RGL1: variants seen among roughly 807,000 people sequenced by gnomAD.
The protein encoded by RGL1 is ral guanine nucleotide dissociation stimulator-like 1.
In RGL1, 24 loss-of-function variants were observed where a neutral mutation model predicts 95.2. That is an observed-to-expected ratio of 0.25 (90% confidence interval 0.18 to 0.35). The LOEUF (loss-of-function observed/expected upper bound fraction) is 0.35, where lower values mean the gene tolerates loss of function less well. Among genes scored for constraint, RGL1 ranks in the 10% least tolerant of loss-of-function variants. The probability of loss-of-function intolerance (pLI) is 1.00; values close to 1 mark genes in which losing one functional copy is unlikely to be tolerated. For missense variants in RGL1, 715 were observed against 936.3 expected, an observed-to-expected ratio of 0.76 and a Z score of 3.08; for synonymous variants, 329 against 344.9, an observed-to-expected ratio of 0.95 and a Z score of 0.51.
chr1:183,679,813 C>T (rs1481625910), intron 1 of RGL1, among the ~76,000 whole-genome samples: 1 of 152,154 alleles, frequency 6.6e-6, no homozygotes, highest in Non-Finnish European at 1.5e-5. Flanking sequence ...AATGGTTGAA[C>T]TAATTTACAC....
chr1:183,805,595 T>G (rs1661241264), intron 1 of RGL1, among the ~76,000 whole-genome samples: 1 of 152,200 alleles, frequency 6.6e-6, no homozygotes, highest in Non-Finnish European at 1.5e-5. Context: ...GAACTGTTAG[T>G]GTGGGTGAAC....
chr1:183,666,912 A>C (rs556382783), intron 1 of RGL1, among the ~76,000 whole-genome samples: 1 of 152,340 alleles, frequency 6.6e-6, no homozygotes, highest in Admixed American at 6.5e-5. Context: ...GATTTTCTGC[A>C]GGCTGTATCT....
At chr1:183,730,437 T>C (rs1656564662) in intron 1 of RGL1, among the ~76,000 whole-genome samples, 1 of 152,118 alleles carries the variant, frequency 6.6e-6, no homozygotes, top group South Asian at 2.1e-4. Flanking sequence ...CTCTCTGAGA[T>C]AATGGAGTGA....
intron 9 of RGL1, among the ~76,000 whole-genome samples, 160 bp from the exon 10 acceptor site, chr1:183,897,648 A>G (rs1171992374): frequency 6.6e-6 from 1 of 152,104 alleles, no homozygotes; most frequent in Non-Finnish European, 1.5e-5. Flanking sequence ...AAGTATTTGC[A>G]TAATATACAT....
intron 2 of RGL1, among the ~76,000 whole-genome samples, chr1:183,781,114 T>C (rs1926833): frequency 0.44 from 66,393 of 152,068 alleles, 15,621 homozygotes; most frequent in East Asian, 0.76. Context: ...CTTCATACTC[T>C]CAGGCATGGA....
In RGL1 at chr1:183,698,362, T is replaced by A. The variant is rs187114164; in HGVS notation, c.-32-43764T>A. On this transcript the variant is annotated intron_variant, in intron 1 of 18. Coordinates refer to the RGL1 transcript ENST00000304685. ...CCCTGTTTAGGACTCAATTCCTTGG[T>A]CACCTTTGTAAAGAATTTCCTGCAT... Among the ~76,000 whole-genome samples the A allele has an allele frequency of 1.9e-4, 29 of 152,360 alleles. No homozygotes were observed. The East Asian group carries it at 5.6e-3, about 29-fold the overall frequency.
intron 2 of RGL1, among the ~76,000 whole-genome samples, chr1:183,768,178 T>C (rs1456052369): frequency 2.0e-5 from 3 of 152,032 alleles, no homozygotes; most frequent in African/African-American, 4.8e-5. Flanking sequence ...ACATATGACT[T>C]ACACAGAACA....
chr1:183,809,918 C>T (rs1221831912), intron 2 of RGL1, among the ~76,000 whole-genome samples: 1 of 152,162 alleles, frequency 6.6e-6, no homozygotes, highest in African/African-American at 2.4e-5. Context: ...GATTGCACCA[C>T]TGCACTCTAG....
At chr1:183,797,185 C>T (rs550995441) in intron 2 of RGL1, among the ~76,000 whole-genome samples, 8 of 152,194 alleles carry the variant, frequency 5.3e-5, no homozygotes, top group South Asian at 2.1e-4. Flanking sequence ...CAAAATTAGC[C>T]GGGCGTGGTG....
intron 1 of RGL1, among the ~76,000 whole-genome samples, chr1:183,672,549 C>T (rs745883558): frequency 3.9e-5 from 6 of 152,224 alleles, no homozygotes; most frequent in East Asian, 1.9e-4. Context: ...TTAATTTCTC[C>T]GGATCAGTCA....
At chr1:183,794,131 T>C (rs1220821349) in intron 2 of RGL1, among the ~76,000 whole-genome samples, 2 of 151,894 alleles carry the variant, frequency 1.3e-5, no homozygotes, top group Non-Finnish European at 2.9e-5. Flanking sequence ...AATTCTGTTA[T>C]TTGCAGCAAT....
intron 1 of RGL1, among the ~76,000 whole-genome samples, chr1:183,682,436 T>C (rs1298631820): frequency 6.6e-6 from 1 of 152,216 alleles, no homozygotes. Flanking sequence ...CCAGTAGTCA[T>C]TCAGGAGCAG....
intron 16 of RGL1, 38 bp from the exon 17 acceptor site, chr1:183,922,184 A>G: frequency 6.5e-7 from 1 of 1,548,506 alleles, no homozygotes; most frequent in East Asian, 2.2e-5. Context: ...GGAAACGTGA[A>G]GCTAAGTACT....
At chr1:183,680,592 C>G (rs1384088973) in intron 1 of RGL1, among the ~76,000 whole-genome samples, 2 of 152,008 alleles carry the variant, frequency 1.3e-5, no homozygotes, top group African/African-American at 4.8e-5. Context: ...TTGTAGTACA[C>G]TTTGAAGTCA....
chr1:183,881,177 G>T (rs562458349), intron 5 of RGL1, among the ~76,000 whole-genome samples: 1 of 152,238 alleles, frequency 6.6e-6, no homozygotes, highest in African/African-American at 2.4e-5. Context: ...ACCTGAATTT[G>T]CATTTTATTA....
intron 9 of RGL1, among the ~76,000 whole-genome samples, chr1:183,897,106 GAT>G (rs1345945380): frequency 2.0e-5 from 3 of 152,194 alleles, no homozygotes; most frequent in Non-Finnish European, 4.4e-5. Context: ...TGAGGAAGTC[GAT>G]CTTTGTTTTC....
intron 8 of RGL1, among the ~76,000 whole-genome samples, chr1:183,890,132 T>G (rs1305218250): frequency 6.6e-6 from 1 of 152,094 alleles, no homozygotes; most frequent in Non-Finnish European, 1.5e-5. Flanking sequence ...TCAACTGTAG[T>G]ATAGTATCAA....
chr1:183,910,894 G>A (rs949758091), intron 14 of RGL1, among the ~76,000 whole-genome samples: 5 of 152,062 alleles, frequency 3.3e-5, no homozygotes, highest in African/African-American at 1.2e-4. Flanking sequence ...TTGCAGCTTG[G>A]CTTATAGTAG....
At chr1:183,841,591 A>G (rs904338152) in intron 2 of RGL1, among the ~76,000 whole-genome samples, 2 of 152,236 alleles carry the variant, frequency 1.3e-5, no homozygotes, top group African/African-American at 2.4e-5. Context: ...CATGGGCCCT[A>G]AAGTATTTTC....
Sources: allele counts gnomAD v4.1 joint callset (sites outside exome capture counted in the v4.1 genomes callset), GRCh38; gene constraint gnomAD v4.1.1; transcripts MANE v1.5; gene names NCBI Gene and HGNC (gene_info 2026-07-23, HGNC 2026-07-21).